Variants in LSAMP observed in about 807,000 individuals in gnomAD.
LSAMP encodes limbic system associated membrane protein, also known as limbic system-associated membrane protein.
LSAMP carries 7 observed loss-of-function variants against 38.6 expected under a neutral mutation model. The observed-to-expected ratio is 0.18, with a 90% confidence interval of 0.10 to 0.34. The LOEUF is 0.34. LSAMP is among the 10% of genes least tolerant of loss of function. The pLI, the probability that LSAMP is intolerant of heterozygous loss-of-function variation, is 1.00. For missense variants in LSAMP, 313 were observed against 420.0 expected, an observed-to-expected ratio of 0.75 and a Z score of 2.23; for synonymous variants, 154 against 166.8, an observed-to-expected ratio of 0.92 and a Z score of 0.59.
At chr3:115,899,592 T>C (rs189485161) in intron 3 of LSAMP, among the ~76,000 whole-genome samples, 45 of 152,302 alleles carry the variant, frequency 3.0e-4, no homozygotes, top group Non-Finnish European at 1.5e-5. Flanking sequence ...TAGACTTAAC[T>C]CTTCCAATAT....
At chr3:116,166,222 T>A (rs900671759) in intron 1 of LSAMP, among the ~76,000 whole-genome samples, 20 of 152,220 alleles carry the variant, frequency 1.3e-4, no homozygotes, top group Admixed American at 3.9e-4. Flanking sequence ...CCAATTTATC[T>A]CCTCACAACT....
intron 3 of LSAMP, among the ~76,000 whole-genome samples, chr3:115,882,403 G>A (rs1936345664): frequency 6.6e-6 from 1 of 151,978 alleles, no homozygotes; most frequent in Non-Finnish European, 1.5e-5. Context: ...AAGGGCTTGA[G>A]GTTTCCTTCT....
chr3:116,022,601 G>A (rs1940670899), intron 2 of LSAMP, among the ~76,000 whole-genome samples: 1 of 152,086 alleles, frequency 6.6e-6, no homozygotes, highest in Non-Finnish European at 1.5e-5. Flanking sequence ...AAACTTGACT[G>A]TTTTTCCTCT....
At chr3:115,901,796 T>A (rs895792043) in intron 3 of LSAMP, among the ~76,000 whole-genome samples, 3 of 152,220 alleles carry the variant, frequency 2.0e-5, no homozygotes, top group Non-Finnish European at 4.4e-5. Context: ...TTCCTGGGCA[T>A]ATATAAAATA....
chr3:116,197,321 TCTC>T (rs1420025800), intron 1 of LSAMP, among the ~76,000 whole-genome samples: 5 of 152,232 alleles, frequency 3.3e-5, no homozygotes, highest in African/African-American at 1.2e-4. Context: ...CCTTGTCACT[TCTC>T]CTTCCAAACG....
At chr3:116,236,059 C>G (rs558560791) in intron 1 of LSAMP, among the ~76,000 whole-genome samples, 1 of 151,992 alleles carries the variant, frequency 6.6e-6, no homozygotes, top group South Asian at 2.1e-4. Context: ...GTTTTTTTCA[C>G]TTTATATTGA....
chr3:116,199,777 T>C, intron 1 of LSAMP, among the ~76,000 whole-genome samples: 1 of 108,032 alleles, frequency 9.3e-6, no homozygotes, highest in East Asian at 4.3e-4. Flanking sequence ...ATAAAAAATT[T>C]CAGGGGAGAG....
intron 1 of LSAMP, among the ~76,000 whole-genome samples, chr3:116,294,082 T>G (rs2047300032): frequency 6.6e-6 from 1 of 152,130 alleles, no homozygotes; most frequent in African/African-American, 2.4e-5. Flanking sequence ...GTAATAATGA[T>G]GATGATCATC....
intron 2 of LSAMP, among the ~76,000 whole-genome samples, chr3:116,079,272 C>T (rs1343693342): frequency 5.3e-5 from 8 of 152,350 alleles, no homozygotes; most frequent in Non-Finnish European, 1.2e-4. Context: ...GATGCCTCCT[C>T]ACTCAGAATC....
intron 2 of LSAMP, among the ~76,000 whole-genome samples, chr3:116,074,486 G>A (rs9819646): frequency 0.015 from 2,322 of 152,100 alleles, 55 homozygotes; most frequent in African/African-American, 0.052. Context: ...ATTTCAGATT[G>A]TTTTATTTCT....
At chr3:116,001,384 T>A (rs1055578461) in intron 3 of LSAMP, among the ~76,000 whole-genome samples, 11 of 152,242 alleles carry the variant, frequency 7.2e-5, no homozygotes, top group Non-Finnish European at 1.6e-4. Flanking sequence ...ATATTCCGTA[T>A]CTTTTATTTC....
intron 1 of LSAMP, among the ~76,000 whole-genome samples, chr3:116,180,675 C>T (rs975833988): frequency 2.0e-5 from 3 of 152,102 alleles, no homozygotes; most frequent in Admixed American, 6.6e-5. Flanking sequence ...TATTTTGTTA[C>T]ATACAAAAGT....
At chr3:116,030,558 A>G (rs1001394192) in intron 2 of LSAMP, among the ~76,000 whole-genome samples, 1 of 152,162 alleles carries the variant, frequency 6.6e-6, no homozygotes, top group African/African-American at 2.4e-5. Flanking sequence ...TACCTAGGCA[A>G]AATAACTTTT....
rs77154111 is a variant in LSAMP at position 116,387,807 on chromosome 3, A to T, written c.155+57070T>A. Among the ~76,000 whole-genome samples the T allele has an allele frequency of 1.6e-3, 247 of 152,242 alleles. 3 individuals are homozygous for T. The highest frequency in any genetic ancestry group is 5.6e-3 in the African/African-American group (233 of 41,518). On this transcript the variant is annotated intron_variant, in intron 1 of 6. Coordinates refer to ENST00000490035, the MANE Select transcript of LSAMP (RefSeq NM_002338.5). ...AGATTTGATGTAATTGAAAATATCT[A>T]CTTTTGCCGGGCGCAGTATCTCACG...
intron 3 of LSAMP, among the ~76,000 whole-genome samples, chr3:115,988,006 T>C (rs1939562616): frequency 6.6e-6 from 1 of 152,090 alleles, no homozygotes. Context: ...ATATGTAATG[T>C]TTCTCTAATC....
intron 1 of LSAMP, among the ~76,000 whole-genome samples, chr3:116,424,070 G>C (rs1229962513): frequency 6.6e-6 from 1 of 152,164 alleles, no homozygotes; most frequent in East Asian, 1.9e-4. Context: ...ATGAGTCAGG[G>C]AATGTGTTTC....
At chr3:115,903,117 G>A (rs965741409) in intron 3 of LSAMP, among the ~76,000 whole-genome samples, 4 of 152,152 alleles carry the variant, frequency 2.6e-5, no homozygotes, top group African/African-American at 9.7e-5. Flanking sequence ...ACTGGATAAA[G>A]AAAATATGGT....
At position 115,842,469 on chromosome 3, in the gene LSAMP, C is replaced by A. The variant is rs539691473; in HGVS notation, c.759G>T (p.Arg253=). The change falls in exon 5 of 7, where the codon CGG becomes CGT. Residue 253 remains arginine (R), a synonymous_variant. Transcript: ENST00000490035. ...GGTTTGGCACATACCTAGTGTCATC[C>A]CGGTACCACTCAAAGTCAGGTGCAG... ...AVPAPDFEWY[R]DDTRINSANG... 1.4e-5 allele frequency: 22 copies of A among 1,613,658 alleles called. No homozygotes were observed. The East Asian group carries it at 4.9e-4, about 36-fold the overall frequency.
intron 3 of LSAMP, among the ~76,000 whole-genome samples, chr3:115,928,070 A>C (rs1937521277): frequency 6.6e-6 from 1 of 152,238 alleles, no homozygotes; most frequent in Non-Finnish European, 1.5e-5. Flanking sequence ...ATGCACAGAA[A>C]AGTGCCTAGC....
Sources: allele counts gnomAD v4.1 joint callset (sites outside exome capture counted in the v4.1 genomes callset), GRCh38; gene constraint gnomAD v4.1.1; transcripts MANE v1.5; gene names NCBI Gene and HGNC (gene_info 2026-07-23, HGNC 2026-07-21).